TMEM114: variants seen among roughly 807,000 people sequenced by gnomAD.
TMEM114 encodes claudin-26.
A neutral mutation model predicts 6.2 loss-of-function variants in TMEM114; 6 were observed. The ratio of observed to expected loss-of-function variants is 0.97; its 90% CI spans 0.53 to 1.91. TMEM114 has a LOEUF of 1.91. Ranked by LOEUF, TMEM114 falls within the 40% of genes most tolerant of loss-of-function variation. The pLI is 0.01. For missense variants in TMEM114, 218 were observed against 158.3 expected, an observed-to-expected ratio of 1.38 and a Z score of -2.02; for synonymous variants, 104 against 73.0, an observed-to-expected ratio of 1.42 and a Z score of -2.16.
rs1443359185 is a variant in TMEM114 at position 8,551,866 on chromosome 16, A to G, written n.213-14040T>C. 6.6e-5 allele frequency among the ~76,000 whole-genome samples: 10 copies of G among 152,358 alleles called. No homozygotes were observed. The South Asian group carries it at 1.7e-3, about 25-fold the overall frequency. ...AATGTCCTTCACTAGGTTATTGGAT[A>G]CACAAACTATACTACATCAGAACCA... On this transcript the variant is annotated intron_variant and non_coding_transcript_variant, in intron 2 of 2. Coordinates refer to the TMEM114 transcript ENST00000623677.
chr16:8,544,452 T>C (rs767133708), intron 2 of TMEM114, among the ~76,000 whole-genome samples: 1 of 152,174 alleles, frequency 6.6e-6, no homozygotes, highest in Non-Finnish European at 1.5e-5. Flanking sequence ...TTAATGGATA[T>C]GTAGGGGTTC....
intron 2 of TMEM114, among the ~76,000 whole-genome samples, chr16:8,554,585 C>T (rs1900948395): frequency 6.6e-6 from 1 of 152,120 alleles, no homozygotes; most frequent in African/African-American, 2.4e-5. Context: ...CTCTTTCGCT[C>T]CCCACGGACA....
At chr16:8,568,544 T>C (rs1034844899), downstream of TMEM114, among the ~76,000 whole-genome samples, 3 of 152,208 alleles carry the variant, frequency 2.0e-5, no homozygotes, top group East Asian at 5.8e-4. Context: ...GGGTGTCAGC[T>C]ATGATGATGA....
chr16:8,533,777 G>C (rs142021359), downstream of TMEM114, among the ~76,000 whole-genome samples: 1 of 152,136 alleles, frequency 6.6e-6, no homozygotes, highest in African/African-American at 2.4e-5. Context: ...CCAGCTTACC[G>C]AAAATCACAC....
intron 2 of TMEM114, among the ~76,000 whole-genome samples, chr16:8,552,013 T>A (rs899240228): frequency 3.3e-5 from 5 of 152,180 alleles, no homozygotes; most frequent in African/African-American, 1.2e-4. Flanking sequence ...TCCATTTATA[T>A]AACATTCTCA....
At chr16:8,568,280 C>T (rs1901612534), downstream of TMEM114, among the ~76,000 whole-genome samples, 1 of 152,130 alleles carries the variant, frequency 6.6e-6, no homozygotes, top group Admixed American at 6.6e-5. Context: ...GTCATTGCCC[C>T]CCCAGTTGCT....
chr16:8,589,367 C>T (rs1173166089), intron 1 of TMEM114, 74 bp from the exon 2 acceptor site: 3 of 398,696 alleles, frequency 7.5e-6, no homozygotes, highest in African/African-American at 6.2e-5. Context: ...CGGCTTTGCC[C>T]CCATGCTCAC....
downstream of TMEM114, among the ~76,000 whole-genome samples, chr16:8,534,741 C>G (rs989976014): frequency 1.3e-5 from 2 of 152,180 alleles, no homozygotes; most frequent in Non-Finnish European, 2.9e-5. Context: ...ATGTACTTGG[C>G]ACATGGTCAA....
At chr16:8,552,793 A>G (rs1281173226) in intron 2 of TMEM114, among the ~76,000 whole-genome samples, 2 of 150,934 alleles carry the variant, frequency 1.3e-5, no homozygotes, top group Non-Finnish European at 2.9e-5. Flanking sequence ...TTCCGCCCTG[A>G]AGGTGAAACC....
chr16:8,538,526 GA>G (rs1176897126), intron 2 of TMEM114, among the ~76,000 whole-genome samples: 3 of 147,014 alleles, frequency 2.0e-5, no homozygotes, highest in Admixed American at 6.7e-5. Context: ...GTTTTTTTTT[GA>G]GACAGAGTCT....
chr16:8,579,070 A>T lies in TMEM114; in HGVS notation c.302-6846T>A, dbSNP rs541034019. ...AGTGCAGAGATATTTTAGACGCAAA[A>T]ATGCTTTGCTACAAGTCAAGGGAAA... On this transcript the variant is annotated intron_variant, in intron 2 of 3. Transcript: ENST00000620492. 5.3e-5 allele frequency among the ~76,000 whole-genome samples: 8 copies of T among 152,302 alleles called. 1 individual carries two copies. The South Asian group carries it at 1.7e-3, about 32-fold the overall frequency.
At chr16:8,569,366 G>T (rs537582125), downstream of TMEM114, 4 of 747,130 alleles carry the variant, frequency 5.4e-6, no homozygotes, top group Admixed American at 5.5e-5. Context: ...AGAGCTGAAC[G>T]CATTACAGGG....
downstream of TMEM114, among the ~76,000 whole-genome samples, chr16:8,532,959 A>G (rs556222138): frequency 2.0e-5 from 3 of 152,284 alleles, no homozygotes; most frequent in South Asian, 6.2e-4. Context: ...AGAAATATTC[A>G]TTCATTCAAC....
downstream of TMEM114, among the ~76,000 whole-genome samples, chr16:8,535,681 TC>T (rs1347627239): frequency 6.6e-6 from 1 of 152,160 alleles, no homozygotes; most frequent in Non-Finnish European, 1.5e-5. Context: ...TTGCAGCAAA[TC>T]CTTCGTCGTG....
At chr16:8,563,618 T>A (rs941771299) in intron 2 of TMEM114, among the ~76,000 whole-genome samples, 1 of 149,292 alleles carries the variant, frequency 6.7e-6, no homozygotes, top group Non-Finnish European at 1.5e-5. Flanking sequence ...AATGAGTGAC[T>A]GAATGAGTGA....
chr16:8,586,194 A>G (rs1902314227), intron 2 of TMEM114, among the ~76,000 whole-genome samples: 1 of 152,188 alleles, frequency 6.6e-6, no homozygotes. Flanking sequence ...GCAAAGGGAG[A>G]GCTCATGCTT....
intron 2 of TMEM114, among the ~76,000 whole-genome samples, chr16:8,538,795 C>G (rs757064993): frequency 6.6e-6 from 1 of 152,104 alleles, no homozygotes; most frequent in Admixed American, 6.5e-5. Context: ...TGTGAGCCAC[C>G]GCGCCCGCCC....
chr16:8,576,156 A>G (rs553857446), intron 2 of TMEM114, among the ~76,000 whole-genome samples: 2 of 152,276 alleles, frequency 1.3e-5, no homozygotes, highest in South Asian at 2.1e-4. Context: ...GCCACCCACA[A>G]AATATCAAAC....
At chr16:8,561,055 C>G (rs865861152) in intron 2 of TMEM114, among the ~76,000 whole-genome samples, 1 of 152,278 alleles carries the variant, frequency 6.6e-6, no homozygotes, top group East Asian at 1.9e-4. Context: ...TTCGCTACCA[C>G]GAGAACAGTA....
Sources: gnomAD v4.1 joint callset for allele counts (sites outside exome capture counted in the v4.1 genomes callset) on GRCh38, gnomAD v4.1.1 for gene constraint, MANE v1.5 for transcripts, NCBI Gene and HGNC (gene_info 2026-07-23, HGNC 2026-07-21) for gene names.